The following TBC1D5 variants were observed in gnomAD, a reference collection of about 807,000 sequenced individuals.
TBC1D5 encodes TBC1 domain family member 5, also known as TBC1 domain family, member 5.
Under a neutral mutation model 100.3 loss-of-function variants are expected in TBC1D5, and 75 were observed. The ratio of observed to expected loss-of-function variants is 0.75; its 90% confidence interval spans 0.62 to 0.91. The LOEUF is 0.91. Ranked by LOEUF, TBC1D5 falls within the 40% of genes least tolerant of loss-of-function variation. TBC1D5 has a pLI of 0.00. For missense variants in TBC1D5, 910 were observed against 942.4 expected, an observed-to-expected ratio of 0.97 and a Z score of 0.45; for synonymous variants, 323 against 325.6, an observed-to-expected ratio of 0.99 and a Z score of 0.09.
At chr3:17,177,170 GA>G (rs1412146709) in intron 19 of TBC1D5, among the ~76,000 whole-genome samples, 1 of 152,158 alleles carries the variant, frequency 6.6e-6, no homozygotes, top group Non-Finnish European at 1.5e-5. Context: ...AAGCACATAA[GA>G]AAAAGGGAAA....
chr3:17,336,065 C>G (rs1255596497), intron 13 of TBC1D5, among the ~76,000 whole-genome samples: 1 of 152,034 alleles, frequency 6.6e-6, no homozygotes, highest in Admixed American at 6.6e-5. Context: ...CAGTGTACGT[C>G]TAGTGACATA....
intron 1 of TBC1D5, among the ~76,000 whole-genome samples, chr3:17,672,920 G>A (rs1486337886): frequency 6.6e-6 from 1 of 152,142 alleles, no homozygotes; most frequent in Non-Finnish European, 1.5e-5. Context: ...CTTAATGTCT[G>A]TCAAAAGAGA....
rs115244163 is a variant in TBC1D5 at position 17,406,662 on chromosome 3, T to A, written c.168-136A>T. The A allele has an allele frequency of 3.4e-3, 2,263 of 659,884 alleles. 36 individuals are homozygous for A. In the African/African-American group the frequency reaches 0.036, roughly 10 times the overall value. The allele number at this position is 659,884 out of a possible 1,614,324, so 40.9% of individuals were successfully genotyped here. ...AACATATATATTTAGTTGTGTACTG[T>A]TTCTGAACGCATGGCTGTCTTTTTG... On this transcript the variant is annotated intron_variant, in intron 4 of 21. Transcript: ENST00000253692.
intron 4 of TBC1D5, among the ~76,000 whole-genome samples, chr3:17,416,977 A>C (rs2094091221): frequency 1.3e-5 from 2 of 152,162 alleles, no homozygotes; most frequent in Non-Finnish European, 2.9e-5. Context: ...CATGGGATAA[A>C]CTTTTGTTTA....
chr3:17,315,143 G>A (rs963606613), intron 13 of TBC1D5, among the ~76,000 whole-genome samples: 2 of 152,242 alleles, frequency 1.3e-5, no homozygotes, highest in African/African-American at 4.8e-5. Flanking sequence ...ACTCTTGAGT[G>A]TGTATCTTCA....
intron 2 of TBC1D5, among the ~76,000 whole-genome samples, chr3:17,617,892 T>G (rs972869022): frequency 3.3e-5 from 5 of 152,234 alleles, no homozygotes; most frequent in African/African-American, 4.8e-5. Flanking sequence ...TTCTGAAGCC[T>G]ACTTCTGTCA....
At chr3:17,330,358 T>C (rs1205632986) in intron 13 of TBC1D5, among the ~76,000 whole-genome samples, 2 of 152,022 alleles carry the variant, frequency 1.3e-5, no homozygotes, top group East Asian at 3.9e-4. Context: ...CAAATATGAG[T>C]GCTCCTAGTA....
chr3:17,650,212 A>G (rs887551671), intron 1 of TBC1D5, among the ~76,000 whole-genome samples: 64 of 152,142 alleles, frequency 4.2e-4, no homozygotes, highest in Non-Finnish European at 9.1e-4. Flanking sequence ...TGATGGGTGC[A>G]GCAAACCACG....
In TBC1D5 at chr3:17,296,790, A is replaced by C. The variant is rs75492455; in HGVS notation, c.1139-4789T>G. On this transcript the variant is annotated intron_variant, in intron 14 of 21. Coordinates refer to ENST00000253692, the Ensembl canonical transcript of TBC1D5. Reference sequence around the variant, plus strand: ...GACCAACACATACTCTTATGTAAACACTTGGATACTCTTTGGTAAGTCCTT... The same window carrying C: ...GACCAACACATACTCTTATGTAAACCCTTGGATACTCTTTGGTAAGTCCTT... 1.5e-4 allele frequency among the ~76,000 whole-genome samples: 23 copies of C among 152,268 alleles called. No individual in the cohort carries two copies. The East Asian group carries it at 4.2e-3, about 28-fold the overall frequency.
At chr3:17,685,115 C>T (rs1433594996) in intron 1 of TBC1D5, among the ~76,000 whole-genome samples, 1 of 151,830 alleles carries the variant, frequency 6.6e-6, no homozygotes, top group East Asian at 1.9e-4. Flanking sequence ...TGAGTATGCA[C>T]ATAATACACA....
intron 13 of TBC1D5, among the ~76,000 whole-genome samples, chr3:17,328,812 TATGAATTCTTCATGGATAATGGATCC>T (rs2086517285): frequency 6.6e-6 from 1 of 152,232 alleles, no homozygotes; most frequent in African/African-American, 2.4e-5. Flanking sequence ...ATTTTGGATT[TATGAATTCTTCATGGATAATGGATCC>T]ATCAATGTGG....
chr3:17,621,344 A>C (rs1690033490), intron 2 of TBC1D5, among the ~76,000 whole-genome samples: 2 of 152,220 alleles, frequency 1.3e-5, no homozygotes, highest in Admixed American at 1.3e-4. Context: ...TCAACACACT[A>C]GTGCCAAGAT....
chr3:17,258,643 C>T, intron 15 of TBC1D5, 52 bp from the exon 16 acceptor site: 3 of 1,399,526 alleles, frequency 2.1e-6, no homozygotes, highest in Non-Finnish European at 3.0e-6. Flanking sequence ...AATCCATTAA[C>T]ATATAAGAGG....
chr3:17,251,674 G>C (rs981433562), intron 16 of TBC1D5, among the ~76,000 whole-genome samples: 9 of 152,100 alleles, frequency 5.9e-5, no homozygotes, highest in Admixed American at 4.6e-4. Context: ...GTCTTTAAAA[G>C]CAACTGCCTA....
intron 3 of TBC1D5, among the ~76,000 whole-genome samples, chr3:17,473,983 G>A (rs1447782251): frequency 6.6e-6 from 1 of 152,014 alleles, no homozygotes; most frequent in Non-Finnish European, 1.5e-5. Flanking sequence ...CCACAAGGGG[G>A]AGGATGAGGA....
At chr3:17,372,797 ATAAAG>A (rs1464402560) in intron 12 of TBC1D5, among the ~76,000 whole-genome samples, 1 of 152,246 alleles carries the variant, frequency 6.6e-6, no homozygotes, top group Non-Finnish European at 1.5e-5. Context: ...TTCCAAAAAT[ATAAAG>A]TAGTTTGCCA....
At chr3:17,311,131 C>G (rs1232060068) in intron 13 of TBC1D5, among the ~76,000 whole-genome samples, 3 of 151,992 alleles carry the variant, frequency 2.0e-5, no homozygotes, top group Admixed American at 6.6e-5. Context: ...AAAGAAGTCA[C>G]TCCTACAATT....
At chr3:17,218,772 G>A (rs934749828) in intron 17 of TBC1D5, among the ~76,000 whole-genome samples, 3 of 151,978 alleles carry the variant, frequency 2.0e-5, no homozygotes, top group Non-Finnish European at 4.4e-5. Flanking sequence ...GAAGTCAGCT[G>A]TCAATCTTAC....
chr3:17,429,221 T>C (rs1312174793), intron 3 of TBC1D5, among the ~76,000 whole-genome samples: 1 of 151,948 alleles, frequency 6.6e-6, no homozygotes, highest in Non-Finnish European at 1.5e-5. Flanking sequence ...AAATTATACA[T>C]ATCAATTTAA....
Sources: allele counts gnomAD v4.1 joint callset (sites outside exome capture counted in the v4.1 genomes callset), GRCh38; gene constraint gnomAD v4.1.1; transcripts MANE v1.5; gene names NCBI Gene and HGNC (gene_info 2026-07-23, HGNC 2026-07-21).